ABCC11: variants seen among roughly 807,000 people sequenced by gnomAD.
ABCC11 encodes ATP-binding cassette sub-family C member 11.
ABCC11 carries 135 observed loss-of-function variants against 149.3 expected under a neutral mutation model. The observed-to-expected ratio is 0.90, with a 90% CI of 0.79 to 1.04. The LOEUF is 1.04. Among genes scored for constraint, ABCC11 ranks in the 50% least tolerant of loss-of-function variants. The probability of loss-of-function intolerance (pLI) is 0.00; values close to 1 mark genes in which losing one functional copy is unlikely to be tolerated. For missense variants in ABCC11, 1,680 were observed against 1,722.1 expected (o/e 0.98, Z 0.43); for synonymous variants, 665 against 671.4 (o/e 0.99, Z 0.15).
intron 14 of ABCC11, among the ~76,000 whole-genome samples, chr16:48,202,564 T>A (rs1280258681): frequency 6.7e-6 from 1 of 149,884 alleles, no homozygotes; most frequent in Non-Finnish European, 1.5e-5. Flanking sequence ...TGAGTCGAGA[T>A]CGCACCACTG....
At chr16:48,211,734 T>A (rs935884978) in intron 10 of ABCC11, among the ~76,000 whole-genome samples, 2 of 152,118 alleles carry the variant, frequency 1.3e-5, no homozygotes, top group Admixed American at 6.5e-5. Context: ...TCTGTCCGTG[T>A]CCCACACTGG....
At chr16:48,184,858 C>T (rs1268749566) in intron 22 of ABCC11, among the ~76,000 whole-genome samples, 2 of 152,238 alleles carry the variant, frequency 1.3e-5, no homozygotes, top group African/African-American at 4.8e-5. Flanking sequence ...AAGGCCCATC[C>T]TTAGCACGCG....
At chr16:48,205,652 C>A in intron 12 of ABCC11, 115 bp from the exon 13 acceptor site, 1 of 1,393,092 alleles carries the variant, frequency 7.2e-7, no homozygotes, top group South Asian at 1.4e-5. Context: ...GGGGGCTCTC[C>A]TAGGTAAAAG....
chr16:48,228,921 T>G (rs973798710), intron 3 of ABCC11, among the ~76,000 whole-genome samples: 1 of 151,904 alleles, frequency 6.6e-6, no homozygotes, highest in South Asian at 2.1e-4. Context: ...TTTTTCAAAA[T>G]TGCCTTTAAG....
chr16:48,201,728 C>T (rs965563436), intron 14 of ABCC11, among the ~76,000 whole-genome samples: 1 of 152,186 alleles, frequency 6.6e-6, no homozygotes, highest in Non-Finnish European at 1.5e-5. Context: ...GCTACAATGG[C>T]TGCAAGGAGC....
At chr16:48,223,053 A>G (rs1163709760) in intron 5 of ABCC11, among the ~76,000 whole-genome samples, 1 of 152,218 alleles carries the variant, frequency 6.6e-6, no homozygotes, top group East Asian at 1.9e-4. Context: ...GGCTGTCCTC[A>G]TCCTGACAGG....
chr16:48,195,285 G>C (rs550721560), intron 18 of ABCC11, among the ~76,000 whole-genome samples: 1 of 152,278 alleles, frequency 6.6e-6, no homozygotes, highest in African/African-American at 2.4e-5. Flanking sequence ...AACATAGCAG[G>C]CACTTTGTAA....
At chr16:48,188,819 C>T (rs1404803296) in intron 20 of ABCC11, among the ~76,000 whole-genome samples, 1 of 152,162 alleles carries the variant, frequency 6.6e-6, no homozygotes, top group Non-Finnish European at 1.5e-5. Context: ...ACCTACATTT[C>T]CCCATGTACT....
At chr16:48,181,670 G>T (rs1004918495) in intron 23 of ABCC11, among the ~76,000 whole-genome samples, 5 of 151,508 alleles carry the variant, frequency 3.3e-5, no homozygotes, top group African/African-American at 1.2e-4. Flanking sequence ...GAGTGCAGTG[G>T]TGCGATCTTG....
Position 48,167,596 on chromosome 16 carries a change from G to A in ABCC11, c.3956C>T (p.Thr1319Ile), listed in dbSNP as rs750790976. The A allele has an allele frequency of 4.3e-6, 7 of 1,612,358 alleles. No individual in the cohort carries two copies. Among genetic ancestry groups the A allele is most frequent in the Non-Finnish European group, 5.9e-6 (7 of 1,180,010 alleles). The change falls in exon 29 of 30, where the codon ACA becomes ATA. Residue 1319 changes from threonine to isoleucine, a missense_variant. Thr to Ile is a moderately conservative substitution (Grantham distance 89, BLOSUM62 -1). Transcript: ENST00000356608. ...GCAGCCCTGGAAGGCTTCACGGATTGTGCGCTGGATCAGGGTGTCTGTCTC... is the reference window on the plus strand; with the variant it reads ...GCAGCCCTGGAAGGCTTCACGGATTATGCGCTGGATCAGGGTGTCTGTCTC... ...DMETDTLIQR[T>I]IREAFQGCTV...
chr16:48,222,743 A>G lies in ABCC11; in HGVS notation c.632T>C (p.Leu211Pro), dbSNP rs1304609880. Residue 211 changes from leucine (L) to proline (P), a missense_variant, in exon 6 of 30, where the codon CTC (leucine) becomes CCC (proline). Coordinates refer to ENST00000356608, the MANE Select transcript of ABCC11 (RefSeq NM_001370497.1). ...ACTCAGAGACTTCACACATTCGGAG[A>G]GAAAAAGGGCAAAGCAGAGTCCCAC... ...HGVGLCFALF[L>P]SECVKSLSFS... 6.2e-7 allele frequency: 1 copy of G among 1,614,230 alleles called. No homozygotes were observed. Among genetic ancestry groups the G allele is most frequent in the Admixed American group, 1.7e-5 (1 of 60,028 alleles).
chr16:48,207,732 A>C (rs1968566243), intron 12 of ABCC11, among the ~76,000 whole-genome samples: 1 of 152,094 alleles, frequency 6.6e-6, no homozygotes, highest in South Asian at 2.1e-4. Flanking sequence ...AAAAGAAAGA[A>C]AAAAGAAACT....
intron 1 of ABCC11, among the ~76,000 whole-genome samples, chr16:48,241,263 C>T (rs1024082985): frequency 6.6e-6 from 1 of 151,992 alleles, no homozygotes; most frequent in Non-Finnish European, 1.5e-5. Context: ...GGTATTTGGC[C>T]CCAAAATGCA....
At chr16:48,168,883 C>T (rs571149372) in intron 28 of ABCC11, among the ~76,000 whole-genome samples, 12 of 152,098 alleles carry the variant, frequency 7.9e-5, no homozygotes, top group Admixed American at 3.3e-4. Flanking sequence ...CACACCAGGG[C>T]CTGTCAGGTG....
intron 6 of ABCC11, among the ~76,000 whole-genome samples, chr16:48,219,809 C>T (rs1434915041): frequency 1.3e-5 from 2 of 152,056 alleles, no homozygotes; most frequent in African/African-American, 2.4e-5. Flanking sequence ...GGTGAAACCC[C>T]GTCTCTACTA....
intron 1 of ABCC11, among the ~76,000 whole-genome samples, chr16:48,241,823 G>C (rs1970982462): frequency 6.6e-6 from 1 of 152,158 alleles, no homozygotes; most frequent in South Asian, 2.1e-4. Context: ...AAATGGTGCT[G>C]GGAAAACTGG....
At chr16:48,196,108 C>A in intron 18 of ABCC11, 124 bp downstream of exon 18, 2 of 929,944 alleles carry the variant, frequency 2.2e-6, no homozygotes, top group South Asian at 1.8e-5. Context: ...GCAAGTTAGG[C>A]CAATAAATAC....
intron 6 of ABCC11, among the ~76,000 whole-genome samples, chr16:48,217,520 C>T (rs903263716): frequency 2.6e-5 from 4 of 152,110 alleles, no homozygotes; most frequent in Non-Finnish European, 4.4e-5. Context: ...TACTTGAGCC[C>T]GGCAGATCAA....
At chr16:48,221,316 C>G (rs1273133729) in intron 6 of ABCC11, among the ~76,000 whole-genome samples, 1 of 152,002 alleles carries the variant, frequency 6.6e-6, no homozygotes, top group Non-Finnish European at 1.5e-5. Flanking sequence ...ACCCTCGAGG[C>G]AATTGGTAAA....
Sources: allele counts gnomAD v4.1 joint callset (sites outside exome capture counted in the v4.1 genomes callset), GRCh38; gene constraint gnomAD v4.1.1; transcripts MANE v1.5; gene names NCBI Gene and HGNC (gene_info 2026-07-23, HGNC 2026-07-21).